The following PLCL1 variants were observed in gnomAD, a reference collection of about 807,000 sequenced individuals.
PLCL1 encodes the protein phospholipase C like 1 (inactive).
Under a neutral mutation model 84.4 loss-of-function variants are expected in PLCL1, and 41 were observed. The observed-to-expected ratio is 0.49, with a 90% confidence interval of 0.38 to 0.63. The LOEUF is 0.63. PLCL1 is among the 30% of genes least tolerant of loss of function. The pLI is 0.00. For missense variants in PLCL1, 1,206 were observed against 1,367.8 expected (o/e 0.88, Z 1.87); for synonymous variants, 490 against 488.3 (o/e 1.00, Z -0.05).
chr2:197,836,631 C>CA (rs1464748785), intron 1 of PLCL1, among the ~76,000 whole-genome samples: 1 of 151,988 alleles, frequency 6.6e-6, no homozygotes, highest in Non-Finnish European at 1.5e-5. Flanking sequence ...TTAAACTACC[C>CA]AAATAATCAA....
At chr2:197,825,789 T>C (rs2106421519) in intron 1 of PLCL1, among the ~76,000 whole-genome samples, 1 of 152,330 alleles carries the variant, frequency 6.6e-6, no homozygotes, top group South Asian at 2.1e-4. Flanking sequence ...ATCATAAAAT[T>C]TTTCCTGAGC....
At position 197,922,416 on chromosome 2, in the gene PLCL1, C is replaced by T. The variant is rs1688720794; in HGVS notation, c.240+117077C>T. Among the ~76,000 whole-genome samples the T allele has an allele frequency of 4.6e-5, 5 of 108,304 alleles. No individual in the cohort carries two copies. The South Asian group carries it at 1.7e-3, about 37-fold the overall frequency. The allele number at this position is 108,304 out of a possible 152,430, so 71.1% of individuals were successfully genotyped here. On this transcript the variant is annotated intron_variant, in intron 1 of 5. Coordinates refer to ENST00000428675, the MANE Select transcript of PLCL1 (RefSeq NM_006226.4). ...AAAAGTCTCCCATGTCTACTTCTTT[C>T]TACACAGACACGGCAACCATCCGAT...
intron 1 of PLCL1, among the ~76,000 whole-genome samples, chr2:197,903,802 CT>C (rs1232211481): frequency 1.8e-3 from 187 of 104,502 alleles, no homozygotes; most frequent in East Asian, 2.2e-3. Flanking sequence ...AGTGCCCGGC[CT>C]TTTTTTTTTT....
At chr2:197,984,773 C>T (rs886461418) in intron 1 of PLCL1, among the ~76,000 whole-genome samples, 6 of 151,412 alleles carry the variant, frequency 4.0e-5, no homozygotes, top group South Asian at 2.1e-4. Flanking sequence ...TAGAAATCGG[C>T]CTGTTATTAC....
chr2:197,883,987 G>T (rs1480050154), intron 1 of PLCL1, among the ~76,000 whole-genome samples: 1 of 152,120 alleles, frequency 6.6e-6, no homozygotes, highest in Non-Finnish European at 1.5e-5. Flanking sequence ...TTCAAATCTT[G>T]TCTCTATCTT....
chr2:197,846,119 C>T (rs577076571), intron 1 of PLCL1, among the ~76,000 whole-genome samples: 11 of 152,158 alleles, frequency 7.2e-5, no homozygotes, highest in South Asian at 4.2e-4. Flanking sequence ...TTCGGAACTA[C>T]GCTACTAAAA....
intron 1 of PLCL1, among the ~76,000 whole-genome samples, chr2:197,895,459 G>A (rs1277269011): frequency 6.6e-6 from 1 of 151,830 alleles, no homozygotes; most frequent in African/African-American, 2.4e-5. Flanking sequence ...AGAAATTCAT[G>A]TAATTCTTAA....
At chr2:197,974,969 G>A (rs1348658717) in intron 1 of PLCL1, among the ~76,000 whole-genome samples, 1 of 151,610 alleles carries the variant, frequency 6.6e-6, no homozygotes, top group Non-Finnish European at 1.5e-5. Flanking sequence ...GTGAAACCCC[G>A]TCTCTACTAA....
intron 1 of PLCL1, among the ~76,000 whole-genome samples, chr2:197,849,591 C>T (rs1249501570): frequency 6.6e-6 from 1 of 152,040 alleles, no homozygotes; most frequent in Non-Finnish European, 1.5e-5. Context: ...CCCCTGCTTA[C>T]AAAAGCAGTA....
At chr2:198,087,537 T>G (rs1284487786) in intron 2 of PLCL1, among the ~76,000 whole-genome samples, 1 of 152,170 alleles carries the variant, frequency 6.6e-6, no homozygotes, top group Non-Finnish European at 1.5e-5. Flanking sequence ...GATAATAAAT[T>G]TGAAAATGTT....
rs187748832 is a variant in PLCL1, at chr2:197,920,505, T to C, written c.240+115166T>C. 3.2e-4 allele frequency among the ~76,000 whole-genome samples: 48 copies of C among 152,340 alleles called. 1 individual carries two copies. Among genetic ancestry groups the C allele is most frequent in the African/African-American group, 1.1e-3 (47 of 41,582 alleles). ...AAAAAATTATTAACCAAATGGCTGC[T>C]TCATTTTATTGTAACATTTCTGATG... On this transcript the variant is annotated intron_variant, in intron 1 of 5. Coordinates refer to ENST00000428675, the MANE Select transcript of PLCL1 (RefSeq NM_006226.4).
intron 1 of PLCL1, among the ~76,000 whole-genome samples, chr2:197,946,655 C>A (rs977817458): frequency 2.6e-5 from 4 of 152,172 alleles, no homozygotes; most frequent in Non-Finnish European, 5.9e-5. Flanking sequence ...CCCTGAGTAC[C>A]TGGCCTCCTC....
intron 1 of PLCL1, among the ~76,000 whole-genome samples, chr2:197,824,272 A>G (rs979478439): frequency 1.3e-5 from 2 of 152,146 alleles, no homozygotes; most frequent in African/African-American, 4.8e-5. Context: ...TAACTTGTCC[A>G]AACTGATTGC....
At chr2:197,922,803 G>C (rs7573587) in intron 1 of PLCL1, among the ~76,000 whole-genome samples, 26 of 124,670 alleles carry the variant, frequency 2.1e-4, no homozygotes, top group South Asian at 8.3e-4. Flanking sequence ...CCTCCCGGAC[G>C]GGGCGGCTGG....
chr2:197,865,577 T>C (rs1046245128), intron 1 of PLCL1, among the ~76,000 whole-genome samples: 2 of 152,180 alleles, frequency 1.3e-5, no homozygotes, highest in Admixed American at 1.3e-4. Context: ...TGAATTTACC[T>C]TTTTATAAAT....
chr2:197,919,548 C>T (rs1283839847), intron 1 of PLCL1, among the ~76,000 whole-genome samples: 1 of 152,214 alleles, frequency 6.6e-6, no homozygotes, highest in African/African-American at 2.4e-5. Context: ...GTCATTAGTT[C>T]TGCTCCAAAA....
chr2:198,098,349 G>T (rs1693251426), intron 3 of PLCL1, among the ~76,000 whole-genome samples: 1 of 152,164 alleles, frequency 6.6e-6, no homozygotes, highest in Non-Finnish European at 1.5e-5. Flanking sequence ...ATTGATGCAT[G>T]TTGTGAATTA....
Position 198,057,940 on chromosome 2 carries a change from G to A in PLCL1, c.241-25818G>A, listed in dbSNP as rs1339913239. Among the ~76,000 whole-genome samples, 5 of 152,248 alleles carry A rather than the reference G, an allele frequency of 3.3e-5. No homozygotes were observed. The East Asian group carries it at 9.7e-4, about 29-fold the overall frequency. On this transcript the variant is annotated intron_variant, in intron 1 of 5. Transcript: ENST00000428675. ...GTTCTGAAAATGCATTTAGCTTGTT[G>A]CAGAGTTGTTCATAGTAATGTAAAA...
intron 5 of PLCL1, among the ~76,000 whole-genome samples, chr2:198,127,765 A>C (rs1426496076): frequency 2.6e-5 from 4 of 152,154 alleles, no homozygotes; most frequent in Non-Finnish European, 5.9e-5. Context: ...TGGTTTTAGA[A>C]GCCATTTCTG....
Sources: allele counts gnomAD v4.1 joint callset (sites outside exome capture counted in the v4.1 genomes callset), GRCh38; gene constraint gnomAD v4.1.1; transcripts MANE v1.5; gene names NCBI Gene and HGNC (gene_info 2026-07-23, HGNC 2026-07-21).